CWF19L1: variants seen among roughly 807,000 people sequenced by gnomAD.
The protein encoded by CWF19L1 is CWF19 like cell cycle control factor 1.
Under a neutral mutation model 69.7 loss-of-function variants are expected in CWF19L1, and 60 were observed. That is an observed-to-expected ratio of 0.86 (90% CI 0.70 to 1.07). The LOEUF (loss-of-function observed/expected upper bound fraction) is 1.07. Among genes scored for constraint, CWF19L1 ranks in the 50% least tolerant of loss-of-function variants. The pLI is 0.00. For missense variants in CWF19L1, 591 were observed against 638.9 expected (o/e 0.92, Z 0.81); for synonymous variants, 209 against 222.2 (o/e 0.94, Z 0.53).
chr10:100,248,972 G>C (rs975919609), intron 7 of CWF19L1: 15 of 705,944 alleles, frequency 2.1e-5, no homozygotes, highest in Non-Finnish European at 2.9e-5. Flanking sequence ...ATAGAGCTGC[G>C]CAAGCTGGAA....
At chr10:100,243,657 T>C (rs753143978) in intron 10 of CWF19L1, 41 bp downstream of exon 10, 2 of 1,500,506 alleles carry the variant, frequency 1.3e-6, no homozygotes, top group East Asian at 2.3e-5. Context: ...AAAAAACAAA[T>C]AGGCATCTCC....
chr10:100,260,506 C>T (rs1486154222), intron 3 of CWF19L1, among the ~76,000 whole-genome samples, 187 bp from the exon 4 acceptor site: 1 of 152,042 alleles, frequency 6.6e-6, no homozygotes. Flanking sequence ...AACCTTGTAG[C>T]TTGGCTATTT....
intron 7 of CWF19L1, among the ~76,000 whole-genome samples, chr10:100,249,846 A>C (rs973525075): frequency 6.6e-6 from 1 of 152,196 alleles, no homozygotes; most frequent in Non-Finnish European, 1.5e-5. Flanking sequence ...TCAGCCTCTC[A>C]AAGTGCTGGG....
chr10:100,237,988 C>T (rs772524779), intron 11 of CWF19L1, 34 bp downstream of exon 11: 15 of 1,583,248 alleles, frequency 9.5e-6, no homozygotes, highest in South Asian at 3.3e-5. Context: ...GTCCCCATAG[C>T]GCCCTTCCAA....
chr10:100,265,346 T>C (rs1327449586), intron 1 of CWF19L1, among the ~76,000 whole-genome samples: 3 of 152,098 alleles, frequency 2.0e-5, no homozygotes, highest in South Asian at 2.1e-4. Flanking sequence ...AAATTTAATA[T>C]AGGTGAAGTG....
intron 13 of CWF19L1, 70 bp from the exon 14 acceptor site, chr10:100,233,441 G>A (rs2134268863): frequency 1.3e-6 from 2 of 1,510,082 alleles, no homozygotes; most frequent in Non-Finnish European, 1.8e-6. Context: ...TCACCCAAAG[G>A]AGGTATGCAA....
At chr10:100,253,275 T>C (rs1847101879) in intron 6 of CWF19L1, 146 bp downstream of exon 6, 2 of 568,038 alleles carry the variant, frequency 3.5e-6, no homozygotes, top group South Asian at 4.8e-5. Flanking sequence ...TCAGAGAAGA[T>C]GAATGACTTG....
intron 13 of CWF19L1, 133 bp downstream of exon 13, chr10:100,235,534 T>C: frequency 1.7e-6 from 1 of 606,034 alleles, no homozygotes; most frequent in Non-Finnish European, 2.9e-6. Flanking sequence ...TATGTAAACA[T>C]CTGCCCTAAG....
In CWF19L1 at chr10:100,267,610, G is replaced by A; in HGVS notation, c.-17C>T. 2.5e-6 allele frequency: 4 copies of A among 1,614,148 alleles called. No individual in the cohort carries two copies. Among genetic ancestry groups the A allele is most frequent in the South Asian group, 2.2e-5 (2 of 91,088 alleles). ...CTGTGCCATCTGTCCGAATAGTATG[G>A]GTTGCGACTGCCACCTAAAATTGGG... On this transcript the variant is annotated 5_prime_UTR_variant, in exon 1 of 14. Transcript: ENST00000354105.
rs988111076 is a variant in CWF19L1 at position 100,232,305 on chromosome 10, GAAAAAC to G, written c.*916_*921del. The G allele has an allele frequency of 1.2e-4, 18 of 152,222 alleles. No individual in the cohort carries two copies. Among genetic ancestry groups the G allele is most frequent in the African/African-American group, 4.3e-4 (18 of 41,436 alleles). 9.4% of individuals were successfully genotyped at this position (152,222 alleles called of 1,614,324 possible). The stretch of plus-strand genomic sequence containing the variant: ...GAACACAAGACACTTCTCAACCATG[GAAAAAC>G]ATCTGGATTTCATTTGGTAGTTTAA... On this transcript the variant is annotated 3_prime_UTR_variant, in exon 14 of 14. Coordinates refer to ENST00000354105, the MANE Select transcript of CWF19L1 (RefSeq NM_018294.6).
chr10:100,234,339 T>C (rs964546780), intron 13 of CWF19L1, among the ~76,000 whole-genome samples: 5 of 152,252 alleles, frequency 3.3e-5, no homozygotes, highest in Admixed American at 1.3e-4. Flanking sequence ...AAATGCTATA[T>C]AACTATAAAT....
intron 7 of CWF19L1, chr10:100,248,988 G>A (rs1846929032): frequency 1.6e-5 from 11 of 676,496 alleles, no homozygotes; most frequent in Non-Finnish European, 8.2e-6. Context: ...TGGAAGCTGT[G>A]GAGGACATCA....
intron 12 of CWF19L1, 75 bp from the exon 13 acceptor site, chr10:100,235,839 A>G: frequency 9.6e-7 from 1 of 1,044,168 alleles, no homozygotes; most frequent in Non-Finnish European, 1.4e-6. Flanking sequence ...TCTCTAGGCA[A>G]ATAATTCAGT....
At chr10:100,237,941 G>A (rs1846501674) in intron 11 of CWF19L1, 81 bp downstream of exon 11, 25 of 1,372,620 alleles carry the variant, frequency 1.8e-5, no homozygotes, top group Admixed American at 6.8e-5. Context: ...GAGCCACCTC[G>A]CCCAGCCTAT....
At position 100,261,992 on chromosome 10, in the gene CWF19L1, C is replaced by G. The variant is rs1847417346; in HGVS notation, c.95G>C (p.Ser32Thr). The G allele has an allele frequency of 1.2e-6, 2 of 1,602,662 alleles. No individual in the cohort carries two copies. The highest frequency in any genetic ancestry group is 1.3e-5 in the African/African-American group (1 of 74,250). Residue 32 changes from serine to threonine, a missense_variant, in exon 2 of 14, where the codon AGT becomes ACT. Ser to Thr is a moderately conservative substitution (Grantham distance 58, BLOSUM62 1). Transcript: ENST00000354105. ...CAAACATCTTACATCAAAGTTTCCACTTTTCTTCTGAATTGCTTGAACTCT... is the reference window on the plus strand; with the variant it reads ...CAAACATCTTACATCAAAGTTTCCAGTTTTCTTCTGAATTGCTTGAACTCT... ...FNRVQAIQKK[S>T]GNFDLLLCVG...
chr10:100,256,068 C>G (rs1847203003), intron 5 of CWF19L1, among the ~76,000 whole-genome samples, 194 bp downstream of exon 5: 1 of 152,152 alleles, frequency 6.6e-6, no homozygotes, highest in Non-Finnish European at 1.5e-5. Flanking sequence ...ATCTATGAAT[C>G]ACACTTTCAT....
rs1460028984 is a variant in CWF19L1 at position 100,246,822 on chromosome 10, G to A, written c.822C>T (p.Ser274=). ...NPYRKSGQEA[S]IGKQILAPVE... is the part of the protein sequence containing the mutation. ...CAGGGGCAAGAATTTGCTTTCCTAT[G>A]GATGCTTCCTGCCCAGATTTTCTGT... is the stretch of plus-strand genomic sequence containing the variant. Residue 274 remains serine (S), a synonymous_variant, in exon 8 of 14, where the codon TCC becomes TCT. Transcript: ENST00000354105. 6 of 1,613,778 alleles carry A rather than the reference G, an allele frequency of 3.7e-6. No individual in the cohort carries two copies. The East Asian group carries it at 1.1e-4, about 30-fold the overall frequency.
Position 100,256,146 on chromosome 10 carries a change from C to T in CWF19L1, c.504+116G>A. The T allele has an allele frequency of 8.1e-6, 6 of 744,316 alleles. No homozygotes were observed. The South Asian group carries it at 1.1e-4, about 13-fold the overall frequency. 46.1% of individuals were successfully genotyped at this position (744,316 alleles called of 1,614,324 possible). On this transcript the variant is annotated intron_variant, in intron 5 of 13. Transcript: ENST00000354105. Reference sequence around the variant, plus strand: ...TCCTGAAAATTTTCACAGAAGACTTCTAATAAAAGGTACCCAAGAGCTAAA... The same window carrying T: ...TCCTGAAAATTTTCACAGAAGACTTTTAATAAAAGGTACCCAAGAGCTAAA...
At chr10:100,264,994 G>A (rs778907609) in intron 1 of CWF19L1, among the ~76,000 whole-genome samples, 5 of 151,758 alleles carry the variant, frequency 3.3e-5, no homozygotes, top group Non-Finnish European at 7.4e-5. Flanking sequence ...GGTAGCTTCC[G>A]CCTGTAGTCC....
Sources: gnomAD v4.1 joint callset for allele counts (sites outside exome capture counted in the v4.1 genomes callset) on GRCh38, gnomAD v4.1.1 for gene constraint, MANE v1.5 for transcripts, NCBI Gene and HGNC (gene_info 2026-07-23, HGNC 2026-07-21) for gene names.